The following CAMKMT variants were observed in gnomAD, a reference collection of about 807,000 sequenced individuals.
CAMKMT encodes the protein CaM KMT.
Under a neutral mutation model 48.0 loss-of-function variants are expected in CAMKMT, and 53 were observed. That is an observed-to-expected ratio of 1.10 (90% CI 0.89 to 1.39). CAMKMT has a LOEUF of 1.39. Ranked by LOEUF, CAMKMT falls within the 40% of genes most tolerant of loss-of-function variation. The pLI, the probability that CAMKMT is intolerant of heterozygous loss-of-function variation, is 0.00. For synonymous variants in CAMKMT, 165 were observed against 152.3 expected (o/e 1.08, Z -0.61); for missense variants, 428 against 402.7 (o/e 1.06, Z -0.54).
intron 7 of CAMKMT, among the ~76,000 whole-genome samples, chr2:44,742,654 G>A (rs899530294): frequency 3.9e-5 from 6 of 152,040 alleles, no homozygotes; most frequent in Non-Finnish European, 8.8e-5. Flanking sequence ...AAATTTACTG[G>A]CATTAATATA....
chr2:44,414,788 T>A (rs1425866132), intron 3 of CAMKMT, among the ~76,000 whole-genome samples: 1 of 152,220 alleles, frequency 6.6e-6, no homozygotes, highest in Non-Finnish European at 1.5e-5. Flanking sequence ...TAGCTGGCTA[T>A]CTGTAAGTCT....
rs535496388 is a variant in CAMKMT at position 44,548,181 on chromosome 2, G to A, written c.377-156102G>A. ...GCATCCTACTATGTGCTTTCTATGT[G>A]CTGGCAAAATTTATGGGAACAACCA... is the stretch of plus-strand genomic sequence containing the variant. On this transcript the variant is annotated intron_variant, in intron 3 of 10. Coordinates refer to ENST00000378494, the MANE Select transcript of CAMKMT (RefSeq NM_024766.5). 2.0e-5 allele frequency among the ~76,000 whole-genome samples: 3 copies of A among 152,220 alleles called. No homozygotes were observed. The South Asian group carries it at 6.2e-4, about 32-fold the overall frequency.
chr2:44,518,926 A>G (rs1462463440), intron 3 of CAMKMT, among the ~76,000 whole-genome samples: 1 of 152,220 alleles, frequency 6.6e-6, no homozygotes, highest in Non-Finnish European at 1.5e-5. Flanking sequence ...TTTTGGAGGA[A>G]AGGCAGTCCA....
chr2:44,461,952 ACCTGCTAC>A (rs770386047), intron 3 of CAMKMT, among the ~76,000 whole-genome samples: 4 of 152,136 alleles, frequency 2.6e-5, no homozygotes, highest in Non-Finnish European at 5.9e-5. Context: ...CTTGTATAAT[ACCTGCTAC>A]CCTTGACTCA....
chr2:44,402,115 T>C (rs1479932542), intron 3 of CAMKMT, among the ~76,000 whole-genome samples: 2 of 152,212 alleles, frequency 1.3e-5, no homozygotes, highest in South Asian at 2.1e-4. Context: ...TCACCTGAGG[T>C]TGGGCGTTCG....
chr2:44,442,889 A>G (rs1558618877), intron 3 of CAMKMT, among the ~76,000 whole-genome samples: 1 of 152,222 alleles, frequency 6.6e-6, no homozygotes, highest in African/African-American at 2.4e-5. Context: ...GGTGCTCAAT[A>G]AATGAGTGAC....
intron 2 of CAMKMT, among the ~76,000 whole-genome samples, chr2:44,379,955 CTT>C (rs1680076236): frequency 1.3e-5 from 2 of 151,866 alleles, no homozygotes; most frequent in African/African-American, 4.8e-5. Context: ...TATGTAGTAT[CTT>C]TTGATGCACA....
intron 3 of CAMKMT, among the ~76,000 whole-genome samples, chr2:44,440,770 C>T (rs1181481174): frequency 1.3e-5 from 2 of 152,140 alleles, no homozygotes; most frequent in Non-Finnish European, 2.9e-5. Flanking sequence ...GTATCACATA[C>T]TCTTAGAATT....
At chr2:44,413,358 T>G (rs1683338317) in intron 3 of CAMKMT, among the ~76,000 whole-genome samples, 1 of 151,690 alleles carries the variant, frequency 6.6e-6, no homozygotes, top group Non-Finnish European at 1.5e-5. Context: ...GTACTATTAG[T>G]AAAGAAATTA....
intron 3 of CAMKMT, among the ~76,000 whole-genome samples, chr2:44,615,454 A>C (rs1436361969): frequency 6.6e-6 from 1 of 152,172 alleles, no homozygotes; most frequent in Non-Finnish European, 1.5e-5. Context: ...AGAAGGAAAA[A>C]AATTACTAGA....
intron 3 of CAMKMT, among the ~76,000 whole-genome samples, chr2:44,585,220 C>G (rs1669792933): frequency 1.3e-5 from 2 of 152,020 alleles, no homozygotes; most frequent in South Asian, 4.1e-4. Context: ...AATTAGTCAC[C>G]ACATAGGAGA....
At chr2:44,711,088 T>G (rs974722488) in intron 6 of CAMKMT, among the ~76,000 whole-genome samples, 1 of 152,180 alleles carries the variant, frequency 6.6e-6, no homozygotes, top group Non-Finnish European at 1.5e-5. Context: ...AAGTGAAGCT[T>G]CGTGTGGGCT....
intron 3 of CAMKMT, among the ~76,000 whole-genome samples, chr2:44,512,221 C>G (rs1670600645): frequency 6.6e-6 from 1 of 152,130 alleles, no homozygotes; most frequent in Non-Finnish European, 1.5e-5. Context: ...AAAAAAGGGG[C>G]AAAAAGTTAC....
At chr2:44,514,452 C>T (rs1457221547) in intron 3 of CAMKMT, among the ~76,000 whole-genome samples, 1 of 152,198 alleles carries the variant, frequency 6.6e-6, no homozygotes. Context: ...AAGAACTAAC[C>T]AAGCCTAGTG....
At chr2:44,630,770 G>T (rs1672764956) in intron 3 of CAMKMT, among the ~76,000 whole-genome samples, 1 of 151,092 alleles carries the variant, frequency 6.6e-6, no homozygotes, top group Non-Finnish European at 1.5e-5. Context: ...AGGATGTGGA[G>T]AAATAGGAAC....
At chr2:44,523,941 C>A (rs1002486379) in intron 3 of CAMKMT, among the ~76,000 whole-genome samples, 2 of 151,402 alleles carry the variant, frequency 1.3e-5, no homozygotes, top group African/African-American at 4.9e-5. Flanking sequence ...CCATGCCCAG[C>A]TAATTTTGTA....
In CAMKMT at chr2:44,657,361, G is replaced by A. The variant is rs1674435793; in HGVS notation, c.377-46922G>A. Reference sequence around the variant, plus strand: ...TGTCTAACCTGACTCATTTGGAGAGGGCTTTAAAAGTCTTAGCATTGAGGA... The same window carrying A: ...TGTCTAACCTGACTCATTTGGAGAGAGCTTTAAAAGTCTTAGCATTGAGGA... On this transcript the variant is annotated intron_variant, in intron 3 of 10. Transcript: ENST00000378494. The surrounding 1 kb of genome is among the most constrained non-coding windows in gnomAD (Gnocchi z 4.3). 6.6e-6 allele frequency among the ~76,000 whole-genome samples: 1 copy of A among 152,084 alleles called. No homozygotes were observed. Among genetic ancestry groups the A allele is most frequent in the Admixed American group, 6.5e-5 (1 of 15,268 alleles).
At chr2:44,370,718 CTTTCTGTATTTT>C (rs1415688294) in intron 1 of CAMKMT, among the ~76,000 whole-genome samples, 1 of 151,968 alleles carries the variant, frequency 6.6e-6, no homozygotes, top group African/African-American at 2.4e-5. Context: ...AACTTTTGGC[CTTTCTGTATTTT>C]TTTCTGTAAG....
intron 3 of CAMKMT, among the ~76,000 whole-genome samples, chr2:44,474,519 A>G (rs958715777): frequency 2.0e-5 from 3 of 152,100 alleles, no homozygotes; most frequent in African/African-American, 7.2e-5. Context: ...AGTAAGAGAG[A>G]GATAAAGAGG....
Sources: gnomAD v4.1 joint callset for allele counts (sites outside exome capture counted in the v4.1 genomes callset) on GRCh38, gnomAD v4.1.1 for gene constraint, Gnocchi (gnomAD v3.1) non-coding constraint, MANE v1.5 for transcripts, NCBI Gene and HGNC (gene_info 2026-07-23, HGNC 2026-07-21) for gene names.